Variants in FKTN observed in about 807,000 individuals in gnomAD.
FKTN encodes ribitol-5-phosphate transferase FKTN.
In FKTN, 47 loss-of-function variants were observed where a neutral mutation model predicts 58.6. The observed-to-expected ratio is 0.80, with a 90% CI of 0.63 to 1.02. The LOEUF (loss-of-function observed/expected upper bound fraction) is 1.02, where lower values mean the gene tolerates loss of function less well. FKTN is among the 50% of genes least tolerant of loss of function. The pLI, the probability that FKTN is intolerant of heterozygous loss-of-function variation, is 0.00. For synonymous variants in FKTN, 178 were observed against 191.9 expected, an observed-to-expected ratio of 0.93 and a Z score of 0.60; for missense variants, 516 against 537.3, an observed-to-expected ratio of 0.96 and a Z score of 0.39.
chr9:105,612,962 T>C (rs1369856787), intron 7 of FKTN, among the ~76,000 whole-genome samples: 1 of 151,798 alleles, frequency 6.6e-6, no homozygotes, highest in Non-Finnish European at 1.5e-5. Flanking sequence ...GAGGAGACTT[T>C]GTCTCCAAAA....
At chr9:105,594,176 G>A (rs1287279472) in intron 3 of FKTN, among the ~76,000 whole-genome samples, 1 of 152,162 alleles carries the variant, frequency 6.6e-6, no homozygotes, top group Non-Finnish European at 1.5e-5. Flanking sequence ...CCTTAGATAG[G>A]AACATAGACA....
At chr9:105,607,707 T>C (rs1829158410) in intron 6 of FKTN, 112 bp from the exon 7 acceptor site, 1 of 916,314 alleles carries the variant, frequency 1.1e-6, no homozygotes, top group Admixed American at 1.8e-5. Context: ...TTGCTGCACC[T>C]ATCAACCTGT....
At chr9:105,589,416 C>T (rs1345455697) in intron 3 of FKTN, among the ~76,000 whole-genome samples, 2 of 151,610 alleles carry the variant, frequency 1.3e-5, no homozygotes, top group African/African-American at 2.4e-5. Context: ...GCACGAGAAT[C>T]GCTTGAACCC....
intron 1 of FKTN, among the ~76,000 whole-genome samples, chr9:105,570,883 C>T (rs2131921801): frequency 6.6e-6 from 1 of 152,208 alleles, no homozygotes; most frequent in South Asian, 2.1e-4. Flanking sequence ...TAAATGAGAA[C>T]ATTGCAGACA....
chr9:105,582,234 C>T (rs1245057080), intron 3 of FKTN, among the ~76,000 whole-genome samples: 1 of 151,742 alleles, frequency 6.6e-6, no homozygotes, highest in Non-Finnish European at 1.5e-5. Flanking sequence ...CTTCGTCACC[C>T]AGGCTGAAGT....
chr9:105,608,795 A>G (rs1312734052), intron 7 of FKTN, among the ~76,000 whole-genome samples: 5 of 152,232 alleles, frequency 3.3e-5, no homozygotes, highest in Non-Finnish European at 1.5e-5. Flanking sequence ...CTATTTCCTT[A>G]AGTCATTGTG....
intron 1 of FKTN, among the ~76,000 whole-genome samples, chr9:105,559,611 G>GA (rs1837890604): frequency 6.6e-6 from 1 of 152,018 alleles, no homozygotes; most frequent in African/African-American, 2.4e-5. Context: ...TTGAACTTGG[G>GA]AGGCAGAGGT....
rs1843447996 is a variant in FKTN, at chr9:105,583,852, AG to A, written c.105+8717del. 3.3e-5 allele frequency among the ~76,000 whole-genome samples: 5 copies of A among 152,298 alleles called. No individual in the cohort carries two copies. In the South Asian group the frequency reaches 1.0e-3, roughly 32 times the overall value. On this transcript the variant is annotated intron_variant, in intron 3 of 10. Transcript: ENST00000357998. ...ACTAAAATGAATTTATTTTAGTATGAGGTATGAATTAGACATCTAACTTACA... is the reference window on the plus strand; with the variant it reads ...ACTAAAATGAATTTATTTTAGTATGAGTATGAATTAGACATCTAACTTACA...
chr9:105,565,077 C>A (rs1028514080), intron 1 of FKTN, among the ~76,000 whole-genome samples: 12 of 152,094 alleles, frequency 7.9e-5, no homozygotes, highest in South Asian at 2.1e-4. Context: ...GAAATAAAAT[C>A]CTTTACAGAC....
intron 2 of FKTN, among the ~76,000 whole-genome samples, 169 bp downstream of exon 2, chr9:105,573,915 C>G (rs1408084418): frequency 6.6e-6 from 1 of 152,130 alleles, no homozygotes; most frequent in Non-Finnish European, 1.5e-5. Context: ...AAATTGACAA[C>G]TATTTTTGAA....
At chr9:105,579,001 C>T (rs1402215350) in intron 3 of FKTN, among the ~76,000 whole-genome samples, 2 of 151,540 alleles carry the variant, frequency 1.3e-5, no homozygotes, top group Admixed American at 6.6e-5. Context: ...TCAGTGGGAT[C>T]GGTGGTGATA....
chr9:105,617,853 T>A (rs890321216), intron 8 of FKTN, 106 bp from the exon 9 acceptor site: 2 of 757,522 alleles, frequency 2.6e-6, no homozygotes, highest in Non-Finnish European at 4.3e-6. Flanking sequence ...AGACTCTGTC[T>A]CTTTAAAAAA....
At chr9:105,628,403 G>A (rs573065802) in intron 10 of FKTN, among the ~76,000 whole-genome samples, 45 of 152,258 alleles carry the variant, frequency 3.0e-4, no homozygotes, top group African/African-American at 1.1e-3. Context: ...ATATGTAGAA[G>A]TAGCAGTTAT....
intron 5 of FKTN, chr9:105,603,895 T>C: frequency 2.8e-6 from 1 of 351,508 alleles, no homozygotes; most frequent in South Asian, 2.6e-5. Flanking sequence ...CTCAAACTCC[T>C]GAGCTCAAGT....
rs564632018 is a variant in FKTN at position 105,575,053 on chromosome 9, C to T, written c.21C>T (p.Asn7=). Residue 7 remains asparagine, a synonymous_variant, in exon 3 of 11, where the codon AAC becomes AAT. Transcript: ENST00000357998. MSRINK[N]VVLALLTLTS... ...GACTAATGAGTAGAATCAATAAGAA[C>T]GTGGTTTTGGCCCTTTTAACGCTGA... The T allele has an allele frequency of 6.5e-5, 104 of 1,602,858 alleles. No homozygotes were observed. In the South Asian group the frequency reaches 9.1e-4, roughly 14 times the overall value.
chr9:105,587,302 A>T (rs2132371044), intron 3 of FKTN, among the ~76,000 whole-genome samples: 1 of 152,230 alleles, frequency 6.6e-6, no homozygotes, highest in East Asian at 1.9e-4. Context: ...TTTGGTTAGA[A>T]GGAGGGAGGA....
intron 3 of FKTN, among the ~76,000 whole-genome samples, chr9:105,592,058 C>T (rs556687959): frequency 1.4e-4 from 21 of 152,360 alleles, no homozygotes; most frequent in Non-Finnish European, 2.5e-4. Flanking sequence ...TTCCCTCCTA[C>T]GTCTCCAGGC....
At chr9:105,634,379 C>G (rs376203436) in intron 10 of FKTN, among the ~76,000 whole-genome samples, 31 of 152,300 alleles carry the variant, frequency 2.0e-4, no homozygotes, top group African/African-American at 6.3e-4. Flanking sequence ...AGTGATCTAC[C>G]TGCCTCAGCC....
At position 105,639,027 on chromosome 9, in the gene FKTN, C is replaced by A. The variant is rs956366793; in HGVS notation, c.*3763C>A. On this transcript the variant is annotated 3_prime_UTR_variant, in exon 11 of 11. Coordinates refer to ENST00000357998, the MANE Select transcript of FKTN (RefSeq NM_001079802.2). ...TATGGCTACATATTTTTCTAAGTTT[C>A]CCCCCTAGTTTCACTTTCTGGAAAG... is the stretch of plus-strand genomic sequence containing the variant. The A allele has an allele frequency of 4.4e-5, 43 of 985,186 alleles. No homozygotes were observed. Among genetic ancestry groups the A allele is most frequent in the Non-Finnish European group, 4.8e-5 (40 of 829,748 alleles). 61.0% of individuals were successfully genotyped at this position (985,186 alleles called of 1,614,324 possible). A position where few individuals can be genotyped will look rare whatever the true frequency, so the allele number is the denominator to read the frequency against.
Sources: allele counts gnomAD v4.1 joint callset (sites outside exome capture counted in the v4.1 genomes callset), GRCh38; gene constraint gnomAD v4.1.1; transcripts MANE v1.5; gene names NCBI Gene and HGNC (gene_info 2026-07-23, HGNC 2026-07-21).